TLE5: variants seen among roughly 807,000 people sequenced by gnomAD.
The protein encoded by TLE5 is TLE family member 5, transcriptional modulator.
Under a neutral mutation model 25.8 loss-of-function variants are expected in TLE5, and 7 were observed. The observed-to-expected ratio is 0.27, with a 90% CI of 0.15 to 0.51. The LOEUF is 0.51. Among genes scored for constraint, TLE5 ranks in the 20% least tolerant of loss-of-function variants. The probability of loss-of-function intolerance (pLI) is 0.97; values close to 1 mark genes in which losing one functional copy is unlikely to be tolerated. For missense variants in TLE5, 149 were observed against 250.7 expected (o/e 0.59, Z 2.74); for synonymous variants, 132 against 110.5 (o/e 1.20, Z -1.22).
intron 2 of TLE5, among the ~76,000 whole-genome samples, chr19:3,060,345 T>C (rs1173048038): frequency 7.0e-6 from 1 of 143,586 alleles, no homozygotes; most frequent in Admixed American, 6.9e-5. Context: ...TTTTTTTTTT[T>C]TTTTTTTGAG....
intron 4 of TLE5, chr19:3,056,101 C>T (rs1050411219): frequency 9.5e-6 from 5 of 524,014 alleles, no homozygotes; most frequent in Non-Finnish European, 1.7e-5. Flanking sequence ...CCGGGAGAAA[C>T]ACTCCCAGGG....
At chr19:3,061,313 G>A (rs2090265196) in intron 1 of TLE5, 56 bp from the exon 2 acceptor site, 7 of 1,421,714 alleles carry the variant, frequency 4.9e-6, no homozygotes, top group East Asian at 2.3e-5. Context: ...CCCCCCTCAA[G>A]GGCCGGCTAG....
chr19:3,058,856 T>C (rs940306357), intron 2 of TLE5, among the ~76,000 whole-genome samples: 2 of 152,144 alleles, frequency 1.3e-5, no homozygotes, highest in African/African-American at 4.8e-5. Flanking sequence ...CTTACCTGCT[T>C]CTGCCATCCC....
rs544501625 is a variant in TLE5 at position 3,057,713 on chromosome 19, C to T, written c.155G>A (p.Ser52Asn). The change falls in exon 3 of 7, where the codon AGT becomes AAT. Residue 52 changes from serine to asparagine, a missense_variant. Transcript: ENST00000327141. ...GTGACGCTGCATCTCTGACTTCTCA[C>T]TGGCCAACTTGTCACATTCGAGCTT... The part of the protein sequence containing the change: ...SLKLECDKLA[S>N]EKSEMQRHYV... 6 of 1,613,714 alleles carry T rather than the reference C, an allele frequency of 3.7e-6. No homozygotes were observed. The South Asian group carries it at 6.6e-5, about 18-fold the overall frequency.
intron 6 of TLE5, 34 bp downstream of exon 6, chr19:3,054,086 T>TCGGGGGGGGCGCCCCC: frequency 1.3e-6 from 2 of 1,512,808 alleles, no homozygotes; most frequent in Non-Finnish European, 1.8e-6. Context: ...GGCCCACCTG[T>TCGGGGGGGGCGCCCCC]CCCCCGCCCA....
intron 2 of TLE5, among the ~76,000 whole-genome samples, chr19:3,060,652 T>C (rs2090258562): frequency 6.6e-6 from 1 of 152,130 alleles, no homozygotes; most frequent in African/African-American, 2.4e-5. Context: ...TTTCTTTAAG[T>C]GTAAGAGGAC....
At chr19:3,059,259 C>T (rs774686942) in intron 2 of TLE5, among the ~76,000 whole-genome samples, 2 of 152,142 alleles carry the variant, frequency 1.3e-5, no homozygotes, top group South Asian at 4.1e-4. Context: ...CAGTGGCTCA[C>T]GCCTGTAATC....
At position 3,053,033 on chromosome 19, in the gene TLE5, G is replaced by GT. The variant is rs1173020199; in HGVS notation, c.*785dup. 3 of 151,456 alleles carry GT rather than the reference G, an allele frequency of 2.0e-5. No homozygotes were observed. The highest frequency in any genetic ancestry group is 7.3e-5 in the African/African-American group (3 of 41,174). The allele number at this position is 151,456 out of a possible 1,614,324, so 9.4% of individuals were successfully genotyped here. On this transcript the variant is annotated 3_prime_UTR_variant, in exon 7 of 7. Transcript: ENST00000327141. ...ATAAGCTGACTATATACAGACACAG[G>GT]TGTGGGTGTTGCTTTTTTTTAAAAA...
In TLE5 at chr19:3,053,660, C is replaced by T. The variant is rs9294; in HGVS notation, c.*159G>A. ...GGGTAGGAAGAAAGCTAGAGGTGGC[C>T]TGCAAGCTGGGCTGGGGCCCCCGCC... On this transcript the variant is annotated 3_prime_UTR_variant, in exon 7 of 7. Transcript: ENST00000327141. 0.011 allele frequency: 7,840 copies of T among 744,178 alleles called. 55 individuals carry two copies. Among genetic ancestry groups the T allele is most frequent in the Non-Finnish European group, 0.013 (6,238 of 466,028 alleles). The allele number at this position is 744,178 out of a possible 1,614,324, so 46.1% of individuals were successfully genotyped here. A position where few individuals can be genotyped will look rare whatever the true frequency, so the allele number is the denominator to read the frequency against.
At chr19:3,062,146 G>T in intron 1 of TLE5, 28 bp downstream of exon 1, 2 of 1,144,798 alleles carry the variant, frequency 1.7e-6, no homozygotes, top group South Asian at 4.3e-5. Flanking sequence ...TCCGGGGTGG[G>T]GGCGCCGGCC....
intron 1 of TLE5, among the ~76,000 whole-genome samples, chr19:3,061,771 C>G (rs529218434): frequency 9.9e-5 from 15 of 150,910 alleles, no homozygotes; most frequent in Admixed American, 2.6e-4. Flanking sequence ...CCTCGGATCA[C>G]CCCCCCCACC....
At chr19:3,058,579 T>G (rs919587976) in intron 2 of TLE5, among the ~76,000 whole-genome samples, 4 of 152,186 alleles carry the variant, frequency 2.6e-5, no homozygotes, top group Non-Finnish European at 5.9e-5. Context: ...CAGCCTTTTT[T>G]CTTTAGCTGG....
At chr19:3,055,258 C>G (rs1226993204) in intron 5 of TLE5, 3 of 159,504 alleles carry the variant, frequency 1.9e-5, no homozygotes, top group African/African-American at 7.2e-5. Flanking sequence ...CTGTGCTACC[C>G]CTTCCCCCAC....
chr19:3,060,702 C>G (rs2090258971), intron 2 of TLE5, among the ~76,000 whole-genome samples: 1 of 152,292 alleles, frequency 6.6e-6, no homozygotes, highest in South Asian at 2.1e-4. Context: ...GCGTGGCAAG[C>G]TCTTCAGAAA....
Position 3,056,361 on chromosome 19 carries a change from A to G in TLE5, c.190-5T>C. The G allele has an allele frequency of 9.7e-7, 1 of 1,035,268 alleles. No homozygotes were observed. The highest frequency in any genetic ancestry group is 7.9e-5 in the East Asian group (1 of 12,686). 64.1% of individuals were successfully genotyped at this position (1,035,268 alleles called of 1,614,324 possible). A position where few individuals can be genotyped will look rare whatever the true frequency, so the allele number is the denominator to read the frequency against. On this transcript the variant is annotated splice_polypyrimidine_tract_variant and splice_region_variant and intron_variant, in intron 3 of 6. Coordinates refer to ENST00000327141, the MANE Select transcript of TLE5 (RefSeq NM_001130.6). ...GCCGTAGGACATCTCGTAGTACTGT[A>G]TGGGGGAGAGAGAGGGGGAGCGGGA...
rs2090187837 is a variant in TLE5, at chr19:3,053,117, G to T, written c.*702C>A. ...TTCTTAAAAGACAAGCTAGTATACT[G>T]GAAAAAGAAAAAAATAATAATAAAA... On this transcript the variant is annotated 3_prime_UTR_variant, in exon 7 of 7. Coordinates refer to ENST00000327141, the MANE Select transcript of TLE5 (RefSeq NM_001130.6). 1 of 150,048 alleles carries T rather than the reference G, an allele frequency of 6.7e-6. No homozygotes were observed. The highest frequency in any genetic ancestry group is 1.9e-4 in the East Asian group (1 of 5,158). The allele number at this position is 150,048 out of a possible 1,614,324, so 9.3% of individuals were successfully genotyped here. A position where few individuals can be genotyped will look rare whatever the true frequency, so the allele number is the denominator to read the frequency against.
chr19:3,056,563 G>A (rs2090220789), intron 3 of TLE5: 1 of 643,940 alleles, frequency 1.6e-6, no homozygotes, highest in Non-Finnish European at 2.8e-6. Context: ...GCCCTGGAGA[G>A]GGGCAGGGGG....
intron 6 of TLE5, 34 bp downstream of exon 6, chr19:3,054,086 T>TGGGGGGGGGGGGGGCCCCCCC: frequency 1.3e-6 from 2 of 1,512,802 alleles, no homozygotes; most frequent in Non-Finnish European, 1.8e-6. Context: ...GGCCCACCTG[T>TGGGGGGGGGGGGGGCCCCCCC]CCCCCGCCCA....
intron 5 of TLE5, 93 bp from the exon 6 acceptor site, chr19:3,054,287 TACCA>T: frequency 3.2e-6 from 4 of 1,246,140 alleles, no homozygotes; most frequent in Non-Finnish European, 3.4e-6. Context: ...GGAGCCCCAC[TACCA>T]AGTGGGCCAT....
Sources: gnomAD v4.1 joint callset for allele counts (sites outside exome capture counted in the v4.1 genomes callset) on GRCh38, gnomAD v4.1.1 for gene constraint, MANE v1.5 for transcripts, NCBI Gene and HGNC (gene_info 2026-07-23, HGNC 2026-07-21) for gene names.